Variants in YTHDC2 observed in about 807,000 individuals in gnomAD.
The protein encoded by YTHDC2 is 3'-5' RNA helicase YTHDC2.
A neutral mutation model predicts 174.9 loss-of-function variants in YTHDC2; 45 were observed. That is an observed-to-expected ratio of 0.26 (90% confidence interval 0.20 to 0.33). The LOEUF (loss-of-function observed/expected upper bound fraction) is 0.33, where lower values mean the gene tolerates loss of function less well. Ranked by LOEUF, YTHDC2 falls within the 10% of genes least tolerant of loss-of-function variation. The probability of loss-of-function intolerance (pLI) is 1.00; values close to 1 mark genes in which losing one functional copy is unlikely to be tolerated. For missense variants in YTHDC2, 1,650 were observed against 1,723.7 expected, an observed-to-expected ratio of 0.96 and a Z score of 0.76; for synonymous variants, 657 against 574.5, an observed-to-expected ratio of 1.14 and a Z score of -2.05.
At chr5:113,540,707 G>T (rs1029930290) in intron 8 of YTHDC2, among the ~76,000 whole-genome samples, 3 of 152,164 alleles carry the variant, frequency 2.0e-5, no homozygotes, top group African/African-American at 7.2e-5. Flanking sequence ...CTCAACACCT[G>T]CGAATTATAA....
chr5:113,578,920 A>G (rs1204070630), intron 23 of YTHDC2, among the ~76,000 whole-genome samples: 1 of 152,120 alleles, frequency 6.6e-6, no homozygotes, highest in Middle Eastern at 3.2e-3. Flanking sequence ...TTATTTATAC[A>G]TACTGTATGT....
chr5:113,560,267 C>T (rs954809515), intron 17 of YTHDC2, among the ~76,000 whole-genome samples: 1 of 152,184 alleles, frequency 6.6e-6, no homozygotes, highest in African/African-American at 2.4e-5. Context: ...GACATGATGA[C>T]ATTCCCTGGA....
chr5:113,567,875 C>T, intron 23 of YTHDC2, 26 bp downstream of exon 23: 1 of 1,430,016 alleles, frequency 7.0e-7, no homozygotes, highest in East Asian at 2.5e-5. Context: ...AAATAAAAAT[C>T]TATTTGAAAT....
intron 17 of YTHDC2, among the ~76,000 whole-genome samples, chr5:113,558,271 C>T (rs1215690281): frequency 6.6e-6 from 1 of 152,016 alleles, no homozygotes; most frequent in Non-Finnish European, 1.5e-5. Context: ...AAAAAATAAA[C>T]AGTGGGATGA....
chr5:113,567,214 G>C lies in YTHDC2; in HGVS notation c.2965G>C (p.Glu989Gln). 6.2e-7 allele frequency: 1 copy of C among 1,613,780 alleles called. No individual in the cohort carries two copies. Among genetic ancestry groups the C allele is most frequent in the South Asian group, 1.1e-5 (1 of 91,070 alleles). ...MYPNLVHVDRENLVLTGPKEK... is the reference protein window; with the variant it reads ...MYPNLVHVDRQNLVLTGPKEK... ...TCCTAATTTAGTCCACGTGGACAGAGAGAATCTAGTGTTGACAGGGCCAAA... is the reference window on the plus strand; with the variant it reads ...TCCTAATTTAGTCCACGTGGACAGACAGAATCTAGTGTTGACAGGGCCAAA... Residue 989 changes from glutamate (E) to glutamine (Q), a missense_variant, in exon 22 of 30, where the codon GAG (glutamate) becomes CAG (glutamine). Glu to Gln is a conservative substitution (Grantham distance 29). Around this residue, in one of 5 missense-constraint regions of YTHDC2, gnomAD observed 913 missense variants for 940.4 expected, o/e 0.97. Transcript: ENST00000161863.
At chr5:113,525,357 A>C (rs1774141537) in intron 3 of YTHDC2, among the ~76,000 whole-genome samples, 180 bp downstream of exon 3, 1 of 152,132 alleles carries the variant, frequency 6.6e-6, no homozygotes, top group Non-Finnish European at 1.5e-5. Context: ...GCATGTCATT[A>C]AGTTGAACCA....
intron 17 of YTHDC2, among the ~76,000 whole-genome samples, chr5:113,558,410 G>A (rs2112694218): frequency 6.6e-6 from 1 of 152,218 alleles, no homozygotes; most frequent in East Asian, 1.9e-4. Context: ...AAAGTAGTCT[G>A]GATTGTTTTA....
chr5:113,586,607 C>T (rs1316455771), intron 26 of YTHDC2, among the ~76,000 whole-genome samples: 1 of 151,386 alleles, frequency 6.6e-6, no homozygotes, highest in Non-Finnish European at 1.5e-5. Flanking sequence ...ATAATTTTCT[C>T]CTATGTTTTT....
intron 6 of YTHDC2, among the ~76,000 whole-genome samples, chr5:113,534,737 C>A (rs1018317924): frequency 6.6e-6 from 1 of 152,010 alleles, no homozygotes; most frequent in African/African-American, 2.4e-5. Context: ...AGGGAGATTT[C>A]TTTTATCTCT....
intron 12 of YTHDC2, 132 bp downstream of exon 12, chr5:113,549,152 G>T: frequency 1.5e-6 from 1 of 681,244 alleles, no homozygotes; most frequent in East Asian, 2.8e-5. Flanking sequence ...TGATTCTAAG[G>T]AAATTTTCTG....
At chr5:113,526,434 C>A in intron 3 of YTHDC2, 152 bp from the exon 4 acceptor site, 2 of 497,350 alleles carry the variant, frequency 4.0e-6, no homozygotes, top group South Asian at 4.0e-5. Flanking sequence ...TTTATGTAGA[C>A]TGAGTAGAGA....
At chr5:113,521,843 A>C (rs899962708) in intron 2 of YTHDC2, among the ~76,000 whole-genome samples, 1 of 150,492 alleles carries the variant, frequency 6.6e-6, no homozygotes, top group African/African-American at 2.4e-5. Context: ...AAAAAGAAAA[A>C]CCCAGAAAAA....
chr5:113,564,140 A>G lies in YTHDC2; in HGVS notation c.2715+9A>G. Reference sequence around the variant, plus strand: ...TTCTCAGAGCATTCCAGGTACTATTACTGTCATTTTATTTCTGAAGACGTT... The same window carrying G: ...TTCTCAGAGCATTCCAGGTACTATTGCTGTCATTTTATTTCTGAAGACGTT... On this transcript the variant is annotated intron_variant, in intron 20 of 29. Coordinates refer to ENST00000161863, the MANE Select transcript of YTHDC2 (RefSeq NM_022828.5). The G allele has an allele frequency of 6.3e-7, 1 of 1,592,322 alleles. No individual in the cohort carries two copies. The highest frequency in any genetic ancestry group is 8.6e-7 in the Non-Finnish European group (1 of 1,166,208).
chr5:113,548,849 A>G (rs1318595321), intron 11 of YTHDC2, 106 bp from the exon 12 acceptor site: 8 of 1,201,232 alleles, frequency 6.7e-6, no homozygotes, highest in Admixed American at 2.9e-5. Context: ...CTTATTTTTT[A>G]TTTAAAAATT....
intron 2 of YTHDC2, among the ~76,000 whole-genome samples, chr5:113,518,195 G>GTTTT (rs376068693): frequency 8.8e-6 from 1 of 113,336 alleles, no homozygotes; most frequent in Non-Finnish European, 1.9e-5. Context: ...GCGTTTTTTT[G>GTTTT]TTTTTTTTTT....
At chr5:113,539,563 G>A (rs559529479) in intron 8 of YTHDC2, among the ~76,000 whole-genome samples, 119 of 152,290 alleles carry the variant, frequency 7.8e-4, no homozygotes, top group African/African-American at 2.7e-3. Context: ...TGATAAAAAT[G>A]TTGAGTTTTC....
intron 4 of YTHDC2, among the ~76,000 whole-genome samples, chr5:113,528,382 A>G (rs1165014797): frequency 6.6e-6 from 1 of 152,206 alleles, no homozygotes; most frequent in Admixed American, 6.5e-5. Flanking sequence ...TATTCTTTGA[A>G]ATATAAAACA....
At chr5:113,537,199 C>G (rs894866696) in intron 7 of YTHDC2, among the ~76,000 whole-genome samples, 1 of 151,998 alleles carries the variant, frequency 6.6e-6, no homozygotes, top group African/African-American at 2.4e-5. Context: ...TTTTACTTTT[C>G]AAAAGGCTGA....
intron 23 of YTHDC2, among the ~76,000 whole-genome samples, chr5:113,574,358 T>C (rs972257155): frequency 3.3e-5 from 5 of 152,144 alleles, no homozygotes; most frequent in East Asian, 1.9e-4. Flanking sequence ...CTGGGGGTTA[T>C]TGGCCTGTTG....
Sources: allele counts gnomAD v4.1 joint callset (sites outside exome capture counted in the v4.1 genomes callset), GRCh38; gene constraint gnomAD v4.1.1; regional missense constraint gnomAD v4.1.1; transcripts MANE v1.5; gene names NCBI Gene and HGNC (gene_info 2026-07-23, HGNC 2026-07-21).